CCSER1: variants seen among roughly 807,000 people sequenced by gnomAD.
CCSER1 encodes serine-rich coiled-coil domain-containing protein 1.
In CCSER1, 41 loss-of-function variants were observed where a neutral mutation model predicts 82.0. The observed-to-expected ratio is 0.50, with a 90% CI of 0.39 to 0.65. The LOEUF (loss-of-function observed/expected upper bound fraction) is 0.65, where lower values mean the gene tolerates loss of function less well. CCSER1 is among the 30% of genes least tolerant of loss of function. The pLI is 0.00. For missense variants in CCSER1, 1,119 were observed against 1,064.2 expected (o/e 1.05, Z -0.72); for synonymous variants, 414 against 383.9 (o/e 1.08, Z -0.92).
intron 4 of CCSER1, among the ~76,000 whole-genome samples, chr4:90,463,669 TA>T (rs1763246495): frequency 6.6e-6 from 1 of 152,146 alleles, no homozygotes; most frequent in Admixed American, 6.5e-5. Flanking sequence ...TCTTTTTTTT[TA>T]AGGCTGCAAT....
At chr4:90,535,930 ATGACT>A (rs922791999) in intron 5 of CCSER1, among the ~76,000 whole-genome samples, 3 of 152,146 alleles carry the variant, frequency 2.0e-5, no homozygotes, top group African/African-American at 7.2e-5. Flanking sequence ...CTGTAGTTAA[ATGACT>A]TGAGTATCAT....
At chr4:90,139,976 A>G in intron 1 of CCSER1, among the ~76,000 whole-genome samples, 1 of 152,176 alleles carries the variant, frequency 6.6e-6, no homozygotes, top group Non-Finnish European at 1.5e-5. Flanking sequence ...AAAGAAGTAA[A>G]TAAAAGTATG....
At chr4:90,494,015 G>A (rs897848632) in intron 5 of CCSER1, among the ~76,000 whole-genome samples, 3 of 152,138 alleles carry the variant, frequency 2.0e-5, no homozygotes, top group African/African-American at 7.2e-5. Context: ...GTATTCAGGA[G>A]ACCCATCTCA....
chr4:91,312,184 TA>T (rs761865306), intron 10 of CCSER1, among the ~76,000 whole-genome samples: 1 of 151,732 alleles, frequency 6.6e-6, no homozygotes, highest in Non-Finnish European at 1.5e-5. Flanking sequence ...AATAGTAATA[TA>T]GGGCTAATCA....
At chr4:91,266,010 T>C (rs1208791771) in intron 10 of CCSER1, among the ~76,000 whole-genome samples, 1 of 152,106 alleles carries the variant, frequency 6.6e-6, no homozygotes, top group Non-Finnish European at 1.5e-5. Context: ...AAGCCCCTTG[T>C]AAAACCATGA....
intron 10 of CCSER1, among the ~76,000 whole-genome samples, chr4:91,361,596 T>C (rs1749248507): frequency 6.6e-6 from 1 of 151,762 alleles, no homozygotes; most frequent in South Asian, 2.1e-4. Flanking sequence ...TATGTTTCCA[T>C]TGGGATTTCA....
intron 9 of CCSER1, among the ~76,000 whole-genome samples, chr4:91,060,860 G>T (rs1443152854): frequency 6.6e-6 from 1 of 151,926 alleles, no homozygotes; most frequent in African/African-American, 2.4e-5. Context: ...TTCTCTCAGG[G>T]ACTTTGTTTT....
intron 10 of CCSER1, among the ~76,000 whole-genome samples, chr4:91,466,448 C>T (rs549900098): frequency 6.6e-6 from 1 of 152,248 alleles, no homozygotes; most frequent in Admixed American, 6.5e-5. Context: ...TGGCACAAGA[C>T]AGGGATGCCC....
In CCSER1 at chr4:90,231,419, CA is replaced by C. The variant is rs751378214; in HGVS notation, c.-41-76823del. Among the ~76,000 whole-genome samples, 1,357 of 151,106 alleles carry C rather than the reference CA, an allele frequency of 9.0e-3. 17 individuals are homozygous for C. The highest frequency in any genetic ancestry group is 0.049 in the South Asian group (230 of 4,724). ...GGAAAAGGCCTTTGACAAAATTCAA[CA>C]ACCCTTCATGCTAAAAACTCTCAAT... is the stretch of plus-strand genomic sequence containing the variant. On this transcript the variant is annotated intron_variant, in intron 1 of 10. Transcript: ENST00000509176.
intron 10 of CCSER1, among the ~76,000 whole-genome samples, chr4:91,520,396 G>T (rs544087432): frequency 8.3e-4 from 125 of 151,262 alleles, no homozygotes; most frequent in African/African-American, 2.9e-3. Flanking sequence ...GAGACACTGT[G>T]GCTCCCAAAA....
At chr4:90,836,014 T>C (rs72879430) in intron 8 of CCSER1, among the ~76,000 whole-genome samples, 3,780 of 152,308 alleles carry the variant, frequency 0.025, 127 homozygotes, top group African/African-American at 0.079. Flanking sequence ...TGTCAGGATT[T>C]AGGGAAAACA....
At chr4:91,582,601 T>C (rs534648289) in intron 10 of CCSER1, among the ~76,000 whole-genome samples, 3 of 151,568 alleles carry the variant, frequency 2.0e-5, no homozygotes, top group Non-Finnish European at 4.4e-5. Flanking sequence ...TTAACTATTA[T>C]CCACTAGGGA....
intron 10 of CCSER1, among the ~76,000 whole-genome samples, chr4:91,576,285 A>T: frequency 6.6e-6 from 1 of 151,062 alleles, no homozygotes; most frequent in Admixed American, 6.6e-5. Flanking sequence ...CATTATGCTA[A>T]GTGAAGTAAG....
intron 1 of CCSER1, among the ~76,000 whole-genome samples, chr4:90,163,285 T>C (rs184899672): frequency 6.6e-5 from 10 of 152,112 alleles, no homozygotes; most frequent in Admixed American, 4.6e-4. Flanking sequence ...TGTTTCGTAA[T>C]ACCTATATTG....
At chr4:90,478,120 C>G (rs898423093) in intron 5 of CCSER1, among the ~76,000 whole-genome samples, 1 of 152,050 alleles carries the variant, frequency 6.6e-6, no homozygotes, top group Non-Finnish European at 1.5e-5. Context: ...TCTGGGAATG[C>G]CTGTTGTAAA....
intron 3 of CCSER1, among the ~76,000 whole-genome samples, chr4:90,315,217 T>G (rs1168323732): frequency 1.3e-5 from 2 of 152,152 alleles, no homozygotes; most frequent in Admixed American, 6.5e-5. Context: ...AGGCCTTATA[T>G]TTAAATTTTC....
At chr4:90,347,787 A>G (rs1161674876) in intron 3 of CCSER1, among the ~76,000 whole-genome samples, 3 of 152,164 alleles carry the variant, frequency 2.0e-5, no homozygotes, top group Non-Finnish European at 2.9e-5. Flanking sequence ...GAAAACTAGA[A>G]AATAGAAGAA....
chr4:90,654,938 A>G (rs1335358981), intron 6 of CCSER1, among the ~76,000 whole-genome samples: 1 of 152,110 alleles, frequency 6.6e-6, no homozygotes, highest in Non-Finnish European at 1.5e-5. Context: ...TAATTTCAGT[A>G]AAGAAAACAG....
chr4:90,577,991 A>G (rs1282883455), intron 5 of CCSER1, among the ~76,000 whole-genome samples: 1 of 152,136 alleles, frequency 6.6e-6, no homozygotes, highest in Non-Finnish European at 1.5e-5. Flanking sequence ...CCGATTGGGA[A>G]GTACTGTGAT....
Sources: allele counts gnomAD v4.1 joint callset (sites outside exome capture counted in the v4.1 genomes callset), GRCh38; gene constraint gnomAD v4.1.1; transcripts MANE v1.5; gene names NCBI Gene and HGNC (gene_info 2026-07-23, HGNC 2026-07-21).